Variants in EPYC observed in about 807,000 individuals in gnomAD.
The protein encoded by EPYC is epiphycan, also known as dermatan sulfate proteoglycan 3.
A neutral mutation model predicts 30.1 loss-of-function variants in EPYC; 28 were observed. The observed-to-expected ratio is 0.93, with a 90% CI of 0.69 to 1.28. The LOEUF is 1.28. EPYC is among the 50% of genes most tolerant of loss of function. The pLI is 0.00. For missense variants in EPYC, 382 were observed against 383.5 expected, an observed-to-expected ratio of 1.00 and a Z score of 0.03; for synonymous variants, 144 against 141.4, an observed-to-expected ratio of 1.02 and a Z score of -0.13.
intron 2 of EPYC, among the ~76,000 whole-genome samples, chr12:90,980,168 C>T (rs1424032633): frequency 1.3e-5 from 2 of 152,006 alleles, no homozygotes. Flanking sequence ...ATGGAGGCAG[C>T]CTAAAGGGAG....
At chr12:90,998,013 A>T (rs1877735105) in intron 2 of EPYC, among the ~76,000 whole-genome samples, 1 of 152,090 alleles carries the variant, frequency 6.6e-6, no homozygotes, top group Admixed American at 6.6e-5. Context: ...CATCACTATT[A>T]TGATATATAA....
chr12:90,998,928 G>T (rs933342109), intron 2 of EPYC, among the ~76,000 whole-genome samples: 40 of 152,108 alleles, frequency 2.6e-4, no homozygotes, highest in African/African-American at 9.6e-4. Context: ...GACCACATAT[G>T]CTTACTGGCC....
At chr12:90,966,267 C>T (rs1345222374) in intron 6 of EPYC, among the ~76,000 whole-genome samples, 4 of 151,952 alleles carry the variant, frequency 2.6e-5, no homozygotes, top group Non-Finnish European at 1.5e-5. Context: ...TGATGTTAGC[C>T]TGAGTTATTT....
At chr12:90,982,981 A>G (rs1252884230) in intron 2 of EPYC, among the ~76,000 whole-genome samples, 7 of 152,134 alleles carry the variant, frequency 4.6e-5, no homozygotes, top group Non-Finnish European at 5.9e-5. Flanking sequence ...ACATACTGAT[A>G]CATTTCTTTT....
rs901328707 is a variant in EPYC at position 90,964,245 on chromosome 12, T to C, written c.880A>G (p.Ile294Val). Residue 294 changes from isoleucine (I) to valine (V), a missense_variant, in exon 7 of 7, where the codon ATT becomes GTT. Physicochemically the swap from Ile to Val is conservative, Grantham distance 29. Transcript: ENST00000261172. The stretch of plus-strand genomic sequence containing the variant: ...TTAATAGGGTTTCCATCCAATCGAA[T>C]GTCCTCTAGTGCCTTACGAATATAA... ...LTYIRKALED[I>V]RLDGNPINLS... 9 of 1,613,460 alleles carry C rather than the reference T, an allele frequency of 5.6e-6. No homozygotes were observed. In the African/African-American group the frequency reaches 1.1e-4, roughly 19 times the overall value.
intron 6 of EPYC, among the ~76,000 whole-genome samples, chr12:90,968,567 G>A (rs1006575683): frequency 2.6e-5 from 4 of 152,270 alleles, no homozygotes; most frequent in Non-Finnish European, 5.9e-5. Context: ...ATATATATTG[G>A]ATGTTGTGAG....
At chr12:90,977,252 G>A (rs2120822493) in intron 3 of EPYC, among the ~76,000 whole-genome samples, 1 of 152,210 alleles carries the variant, frequency 6.6e-6, no homozygotes, top group African/African-American at 2.4e-5. Flanking sequence ...GTATATAAAA[G>A]TATTCCAGTG....
At chr12:90,972,041 G>C in intron 4 of EPYC, 39 bp from the exon 5 acceptor site, 1 of 1,225,058 alleles carries the variant, frequency 8.2e-7, no homozygotes, top group East Asian at 2.6e-5. Context: ...AAATATTCTT[G>C]TTTTGCTCAC....
chr12:90,984,536 G>C (rs905785012), intron 2 of EPYC, among the ~76,000 whole-genome samples: 3 of 152,104 alleles, frequency 2.0e-5, no homozygotes, highest in Non-Finnish European at 4.4e-5. Flanking sequence ...ATGGCCACCT[G>C]AGGGAAGTAT....
chr12:90,967,642 A>G (rs894821679), intron 6 of EPYC, among the ~76,000 whole-genome samples: 1 of 152,072 alleles, frequency 6.6e-6, no homozygotes, highest in African/African-American at 2.4e-5. Context: ...CAAGTTTTCT[A>G]TTTACTTAGT....
chr12:90,980,631 A>C (rs770540785), intron 2 of EPYC, among the ~76,000 whole-genome samples: 12 of 152,310 alleles, frequency 7.9e-5, no homozygotes, highest in Non-Finnish European at 1.6e-4. Context: ...TCTGTGTGGC[A>C]GACTTGTATG....
At chr12:90,977,884 A>T (rs911984722) in intron 3 of EPYC, among the ~76,000 whole-genome samples, 1 of 152,114 alleles carries the variant, frequency 6.6e-6, no homozygotes, top group Non-Finnish European at 1.5e-5. Flanking sequence ...TGGTTATTTG[A>T]TCATTTTTAT....
At chr12:91,000,326 A>G (rs990902455) in intron 2 of EPYC, among the ~76,000 whole-genome samples, 1 of 152,128 alleles carries the variant, frequency 6.6e-6, no homozygotes, top group African/African-American at 2.4e-5. Context: ...GGTATTTCAC[A>G]TTATATTTGG....
At chr12:90,979,336 C>CT (rs1374561837) in intron 2 of EPYC, among the ~76,000 whole-genome samples, 12 of 152,178 alleles carry the variant, frequency 7.9e-5, no homozygotes, top group Admixed American at 7.2e-4. Context: ...TGGCCTTTTG[C>CT]TTTTTTCCAC....
intron 2 of EPYC, among the ~76,000 whole-genome samples, chr12:90,983,329 C>T (rs1048022565): frequency 6.6e-6 from 1 of 152,104 alleles, no homozygotes; most frequent in African/African-American, 2.4e-5. Context: ...TACCATTGGA[C>T]CCCTTTAGCT....
rs1350649642 is a variant in EPYC, at chr12:90,972,845, T to C, written c.476A>G (p.Asn159Ser). The C allele has an allele frequency of 1.2e-6, 2 of 1,613,670 alleles. No homozygotes were observed. Among genetic ancestry groups the C allele is most frequent in the South Asian group, 2.2e-5 (2 of 91,048 alleles). The change falls in exon 4 of 7, where the codon AAC becomes AGC. Residue 159 changes from asparagine (N) to serine (S), a missense_variant. Asn to Ser is a conservative substitution (Grantham distance 46, BLOSUM62 1). Coordinates refer to ENST00000261172, the MANE Select transcript of EPYC (RefSeq NM_004950.5). ...YSRFNRIKKINKNDFASLSDL... is the reference protein window; with the variant it reads ...YSRFNRIKKISKNDFASLSDL... ...ACTTAGGCTTGCAAAGTCATTTTTGTTGATCTTTTTAATTCTGTTAAAGCG... is the reference window on the plus strand; with the variant it reads ...ACTTAGGCTTGCAAAGTCATTTTTGCTGATCTTTTTAATTCTGTTAAAGCG...
At chr12:90,987,073 G>T (rs1003506686) in intron 2 of EPYC, among the ~76,000 whole-genome samples, 1 of 152,038 alleles carries the variant, frequency 6.6e-6, no homozygotes, top group African/African-American at 2.4e-5. Context: ...TTATAAAATG[G>T]TTAAAGTTGC....
intron 2 of EPYC, among the ~76,000 whole-genome samples, chr12:90,991,919 G>A (rs779110961): frequency 1.3e-5 from 2 of 152,186 alleles, no homozygotes; most frequent in Admixed American, 6.6e-5. Flanking sequence ...ATTGAACAAA[G>A]TCTTGAGGAG....
intron 2 of EPYC, among the ~76,000 whole-genome samples, chr12:90,981,682 G>T (rs994570416): frequency 6.6e-6 from 1 of 151,896 alleles, no homozygotes; most frequent in African/African-American, 2.4e-5. Flanking sequence ...ATGAAAAACT[G>T]GTGTGTTCAG....
Sources: allele counts gnomAD v4.1 joint callset (sites outside exome capture counted in the v4.1 genomes callset), GRCh38; gene constraint gnomAD v4.1.1; transcripts MANE v1.5; gene names NCBI Gene and HGNC (gene_info 2026-07-23, HGNC 2026-07-21).